Variants in ITGB1 observed in about 807,000 individuals in gnomAD.
The protein encoded by ITGB1 is integrin beta-1.
ITGB1 carries 24 observed loss-of-function variants against 86.5 expected under a neutral mutation model. The ratio of observed to expected loss-of-function variants is 0.28; its 90% CI spans 0.20 to 0.39. ITGB1 has a LOEUF of 0.39. ITGB1 is among the 10% of genes least tolerant of loss of function. The pLI is 1.00. For missense variants in ITGB1, 556 were observed against 946.9 expected, an observed-to-expected ratio of 0.59 and a Z score of 5.42; for synonymous variants, 323 against 316.8, an observed-to-expected ratio of 1.02 and a Z score of -0.21.
rs1444065674 is a variant in ITGB1 at position 32,919,994 on chromosome 10, C to T, written c.1360G>A (p.Val454Ile). 1 of 1,613,954 alleles carries T rather than the reference C, an allele frequency of 6.2e-7. No individual in the cohort carries two copies. Among genetic ancestry groups the T allele is most frequent in the East Asian group, 2.2e-5 (1 of 44,882 alleles). ...CAGATGTACTGAAGAATAACCTCTA[C>T]TTCCTCCGTAAAGCCCAGAGGCCTA... Reference protein sequence around the residue: ...KIRPLGFTEEVEVILQYICEC... With the variant: ...KIRPLGFTEEIEVILQYICEC... The change falls in exon 11 of 16, where the codon GTA (valine) becomes ATA (isoleucine). Residue 454 changes from valine (V) to isoleucine (I), a missense_variant. Transcript: ENST00000302278.
chr10:32,921,719 A>C (rs999428690), intron 9 of ITGB1, among the ~76,000 whole-genome samples: 9 of 152,192 alleles, frequency 5.9e-5, no homozygotes, highest in African/African-American at 2.2e-4. Flanking sequence ...GGGGAAAACA[A>C]CACTATAAAT....
chr10:32,944,112 C>T (rs1286413225), intron 1 of ITGB1, among the ~76,000 whole-genome samples: 1 of 152,222 alleles, frequency 6.6e-6, no homozygotes, highest in East Asian at 1.9e-4. Flanking sequence ...AGGCAGCATG[C>T]AGTCAGCCAG....
At chr10:32,918,204 G>A (rs1282578354) in intron 11 of ITGB1, among the ~76,000 whole-genome samples, 2 of 152,116 alleles carry the variant, frequency 1.3e-5, no homozygotes, top group Admixed American at 6.5e-5. Context: ...TAAGGTGGGG[G>A]TAGGGGGCAG....
At position 32,929,938 on chromosome 10, in the gene ITGB1, T is replaced by C; in HGVS notation, c.260A>G (p.Lys87Arg). The part of the protein sequence containing the change: ...PDDIENPRGS[K>R]DIKKNKNVTN... The stretch of plus-strand genomic sequence containing the variant: ...TACATTTTTATTTTTCTTTATATCT[T>C]TGGAGCCTCTGGGATTTTCTATGTC... Residue 87 changes from lysine to arginine, a missense_variant, in exon 4 of 16, where the codon AAA becomes AGA. Transcript: ENST00000302278. 2 of 1,554,330 alleles carry C rather than the reference T, an allele frequency of 1.3e-6. No individual in the cohort carries two copies. The highest frequency in any genetic ancestry group is 1.8e-6 in the Non-Finnish European group (2 of 1,125,250).
rs148113467 is a variant in ITGB1 at position 32,948,225 on chromosome 10, T to C, written c.-1+9920A>G. Among the ~76,000 whole-genome samples, 1,173 of 152,326 alleles carry C rather than the reference T, an allele frequency of 7.7e-3. 6 individuals are homozygous for C. Among genetic ancestry groups the C allele is most frequent in the Non-Finnish European group, 0.012 (791 of 68,032 alleles). On this transcript the variant is annotated intron_variant, in intron 1 of 15. Coordinates refer to ENST00000302278, the MANE Select transcript of ITGB1 (RefSeq NM_002211.4). ...TAGATTCCACATCCAAGTAGAATTC[T>C]ATTTAATGTGCTTTCTAACAATCAG...
At position 32,918,142 on chromosome 10, in the gene ITGB1, A is replaced by C. The variant is rs987253252; in HGVS notation, c.1469+1743T>G. Among the ~76,000 whole-genome samples the C allele has an allele frequency of 9.2e-5, 14 of 152,274 alleles. No individual in the cohort carries two copies. The South Asian group carries it at 1.2e-3, about 14-fold the overall frequency. On this transcript the variant is annotated intron_variant, in intron 11 of 15. Transcript: ENST00000302278. ...TCTCACTCATAGGTGGGAACTGAAC[A>C]ATGAGAACACTTGGACACAGGGTGG... is the stretch of plus-strand genomic sequence containing the variant.
chr10:32,956,221 C>T (rs973868974), intron 1 of ITGB1, among the ~76,000 whole-genome samples: 2 of 152,124 alleles, frequency 1.3e-5, no homozygotes, highest in African/African-American at 4.8e-5. Flanking sequence ...ACTCTAAGTC[C>T]TAACCCCTCT....
intron 1 of ITGB1, among the ~76,000 whole-genome samples, chr10:32,942,022 G>C (rs759359464): frequency 1.6e-4 from 25 of 152,256 alleles, no homozygotes; most frequent in South Asian, 6.2e-4. Flanking sequence ...TCATAATCTA[G>C]GTGCTAACCG....
At chr10:32,912,734 G>A (rs2094917514) in intron 11 of ITGB1, among the ~76,000 whole-genome samples, 1 of 152,228 alleles carries the variant, frequency 6.6e-6, no homozygotes, top group Non-Finnish European at 1.5e-5. Context: ...CACCTCTGGG[G>A]GCAGGGCATA....
intron 11 of ITGB1, among the ~76,000 whole-genome samples, chr10:32,916,150 G>A (rs2094930742): frequency 6.6e-6 from 1 of 152,140 alleles, no homozygotes. Context: ...AGGTATTGAT[G>A]GGATGTGTCT....
At chr10:32,947,811 C>T (rs1379099970) in intron 1 of ITGB1, among the ~76,000 whole-genome samples, 1 of 152,140 alleles carries the variant, frequency 6.6e-6, no homozygotes, top group Non-Finnish European at 1.5e-5. Flanking sequence ...TCAGTTTCCT[C>T]ATCTTTAAAA....
At chr10:32,920,515 T>G in intron 9 of ITGB1, 130 bp from the exon 10 acceptor site, 3 of 729,242 alleles carry the variant, frequency 4.1e-6, no homozygotes, top group Non-Finnish European at 6.7e-6. Flanking sequence ...TCCAATTGAG[T>G]AACTAGAAAA....
At chr10:32,957,596 G>A (rs2095055145) in intron 1 of ITGB1, among the ~76,000 whole-genome samples, 1 of 151,626 alleles carries the variant, frequency 6.6e-6, no homozygotes, top group African/African-American at 2.4e-5. Context: ...GCCGCCTCCT[G>A]GCAGCCGGAG....
At position 32,906,662 on chromosome 10, in the gene ITGB1, T is replaced by C. The variant is rs373501466; in HGVS notation, c.2331+1706A>G. ...TATCATTCTAGGCACAGGACTGTTA[T>C]GAGGATTAGAGCTGACAGGCTGATT... is the stretch of plus-strand genomic sequence containing the variant. On this transcript the variant is annotated intron_variant, in intron 15 of 15. Coordinates refer to ENST00000302278, the MANE Select transcript of ITGB1 (RefSeq NM_002211.4). 1.6e-3 allele frequency: 344 copies of C among 213,222 alleles called. 1 individual carries two copies. The highest frequency in any genetic ancestry group is 4.9e-3 in the African/African-American group (204 of 41,928). The allele number at this position is 213,222 out of a possible 1,614,324, so 13.2% of individuals were successfully genotyped here. A position where few individuals can be genotyped will look rare whatever the true frequency, so the allele number is the denominator to read the frequency against.
chr10:32,955,381 CT>C (rs373362506), intron 1 of ITGB1, among the ~76,000 whole-genome samples: 60 of 152,170 alleles, frequency 3.9e-4, no homozygotes, highest in African/African-American at 1.4e-3. Context: ...TAAATGAACC[CT>C]TTCAGATACA....
At chr10:32,923,501 C>G in intron 7 of ITGB1, 84 bp downstream of exon 7, 1 of 1,257,874 alleles carries the variant, frequency 7.9e-7, no homozygotes, top group Non-Finnish European at 1.1e-6. Flanking sequence ...TGAGAAACCC[C>G]AAGCCAGTCA....
At chr10:32,939,472 G>A (rs2095012581) in intron 1 of ITGB1, among the ~76,000 whole-genome samples, 1 of 152,154 alleles carries the variant, frequency 6.6e-6, no homozygotes, top group Non-Finnish European at 1.5e-5. Flanking sequence ...GAGATGGTGT[G>A]GCCTCCTACA....
At chr10:32,914,232 G>A (rs187544081) in intron 11 of ITGB1, among the ~76,000 whole-genome samples, 3 of 152,140 alleles carry the variant, frequency 2.0e-5, no homozygotes, top group Non-Finnish European at 4.4e-5. Flanking sequence ...AAAGACCATC[G>A]ATGCTAGGAA....
At chr10:32,922,589 C>G (rs779857649) in intron 8 of ITGB1, 51 bp downstream of exon 8, 1 of 1,190,936 alleles carries the variant, frequency 8.4e-7, no homozygotes, top group Non-Finnish European at 1.2e-6. Flanking sequence ...TGATTTGCCT[C>G]TAACAATCAA....
Sources: allele counts gnomAD v4.1 joint callset (sites outside exome capture counted in the v4.1 genomes callset), GRCh38; gene constraint gnomAD v4.1.1; transcripts MANE v1.5; gene names NCBI Gene and HGNC (gene_info 2026-07-23, HGNC 2026-07-21).